The following VDAC1 variants were observed in gnomAD, a reference collection of about 807,000 sequenced individuals.
VDAC1 encodes the protein voltage dependent anion channel 1, also known as non-selective voltage-gated ion channel VDAC1.
VDAC1 carries 10 observed loss-of-function variants against 34.7 expected under a neutral mutation model. The ratio of observed to expected loss-of-function variants is 0.29; its 90% CI spans 0.18 to 0.49. The LOEUF (loss-of-function observed/expected upper bound fraction) is 0.49, where lower values mean the gene tolerates loss of function less well. Ranked by LOEUF, VDAC1 falls within the 20% of genes least tolerant of loss-of-function variation. The pLI, the probability that VDAC1 is intolerant of heterozygous loss-of-function variation, is 0.99. For synonymous variants in VDAC1, 130 were observed against 136.0 expected (o/e 0.96, Z 0.30); for missense variants, 230 against 347.9 (o/e 0.66, Z 2.69).
At chr5:133,992,505 G>A (rs116332614) in intron 2 of VDAC1, 150 bp from the exon 3 acceptor site, 17 of 511,324 alleles carry the variant, frequency 3.3e-5, no homozygotes, top group South Asian at 5.8e-5. Flanking sequence ...TGCTGCTCGT[G>A]GGGGGAGCTC....
chr5:134,055,586 A>ATTTTTTTTTTTTTTTTT, the VDAC1 span, among the ~76,000 whole-genome samples: 1 of 60,082 alleles, frequency 1.7e-5, no homozygotes, highest in South Asian at 7.4e-4. Context: ...CGCCCCGCTA[A>ATTTTTTTTTTTTTTTTT]TGTTTTTTTT....
At chr5:134,047,873 A>G in the VDAC1 span, among the ~76,000 whole-genome samples, 45 of 151,972 alleles carry the variant, frequency 3.0e-4, no homozygotes, top group African/African-American at 1.0e-3. Flanking sequence ...CGACATCCAC[A>G]TGAACATGAC....
At chr5:134,069,903 C>T in the VDAC1 span, among the ~76,000 whole-genome samples, 1 of 152,126 alleles carries the variant, frequency 6.6e-6, no homozygotes, top group African/African-American at 2.4e-5. Context: ...CAAAACCCAC[C>T]ACAACCAAGA....
chr5:134,075,850 G>A, the VDAC1 span, among the ~76,000 whole-genome samples: 1 of 152,136 alleles, frequency 6.6e-6, no homozygotes, highest in Non-Finnish European at 1.5e-5. Flanking sequence ...CTCCCAAAGT[G>A]CTGGGATTAC....
the VDAC1 span, among the ~76,000 whole-genome samples, chr5:134,055,728 G>T: frequency 1.5e-5 from 2 of 132,460 alleles, no homozygotes; most frequent in Non-Finnish European, 3.1e-5. Flanking sequence ...GCGCCCGGCT[G>T]CTTATTTTGT....
At chr5:134,022,588 G>T in the VDAC1 span, among the ~76,000 whole-genome samples, 2 of 152,100 alleles carry the variant, frequency 1.3e-5, no homozygotes, top group Non-Finnish European at 2.9e-5. Context: ...CTACCTCCCC[G>T]CAATGGAAAA....
At chr5:134,091,199 C>T in the VDAC1 span, among the ~76,000 whole-genome samples, 1 of 152,178 alleles carries the variant, frequency 6.6e-6, no homozygotes, top group South Asian at 2.1e-4. Flanking sequence ...ACAGCACAGA[C>T]AATAAGTATT....
At chr5:134,071,085 C>A in the VDAC1 span, among the ~76,000 whole-genome samples, 2 of 152,220 alleles carry the variant, frequency 1.3e-5, no homozygotes, top group African/African-American at 4.8e-5. The surrounding 1 kb of genome is among the most constrained non-coding windows in gnomAD (Gnocchi z 4.1). Flanking sequence ...ACCAATCTTT[C>A]AGGCAGTGTT....
chr5:134,084,511 T>TG, the VDAC1 span, among the ~76,000 whole-genome samples: 1 of 152,298 alleles, frequency 6.6e-6, no homozygotes, highest in African/African-American at 2.4e-5. Context: ...GTGGCATGGT[T>TG]GGGGGGTCCC....
chr5:134,078,846 T>A, the VDAC1 span, among the ~76,000 whole-genome samples: 1 of 151,994 alleles, frequency 6.6e-6, no homozygotes, highest in African/African-American at 2.4e-5. Flanking sequence ...AGATGGGGTT[T>A]CACCATGTTG....
At chr5:134,088,900 TCA>T in the VDAC1 span, among the ~76,000 whole-genome samples, 7 of 152,228 alleles carry the variant, frequency 4.6e-5, no homozygotes, top group African/African-American at 1.7e-4. Context: ...ATGGACTCAA[TCA>T]CACACATCCA....
intron 6 of VDAC1, among the ~76,000 whole-genome samples, chr5:133,976,743 C>T (rs781649207): frequency 1.3e-5 from 2 of 151,954 alleles, no homozygotes; most frequent in Non-Finnish European, 2.9e-5. Flanking sequence ...AACGATTCTA[C>T]CAGAAAAATG....
At chr5:134,055,528 T>C in the VDAC1 span, among the ~76,000 whole-genome samples, 1 of 149,922 alleles carries the variant, frequency 6.7e-6, no homozygotes, top group African/African-American at 2.5e-5. Flanking sequence ...CTTGTCATTC[T>C]CCTGCCTCAG....
the VDAC1 span, among the ~76,000 whole-genome samples, chr5:134,027,175 GA>G: frequency 6.6e-6 from 1 of 152,200 alleles, no homozygotes. Context: ...ATGAGGTTGA[GA>G]AACACTGATT....
the VDAC1 span, among the ~76,000 whole-genome samples, chr5:134,010,863 A>G: frequency 2.0e-5 from 3 of 152,136 alleles, no homozygotes; most frequent in Non-Finnish European, 2.9e-5. Context: ...TAATATATAT[A>G]TGTTGATGAG....
chr5:134,046,405 G>C, the VDAC1 span, among the ~76,000 whole-genome samples: 2 of 150,502 alleles, frequency 1.3e-5, no homozygotes, highest in African/African-American at 4.9e-5. Context: ...TCCTGGGCTC[G>C]AGTGATCTGC....
chr5:134,097,428 A>G, the VDAC1 span, among the ~76,000 whole-genome samples: 1 of 152,210 alleles, frequency 6.6e-6, no homozygotes, highest in African/African-American at 2.4e-5. Flanking sequence ...AGGGAAAAAA[A>G]GGTTTTTAAA....
the VDAC1 span, among the ~76,000 whole-genome samples, chr5:134,017,540 C>T: frequency 4.6e-5 from 7 of 152,170 alleles, no homozygotes; most frequent in Admixed American, 3.9e-4. Flanking sequence ...CTGCTTTGTC[C>T]ATGCTTGTGT....
chr5:133,991,649 C>G (rs1385056740), intron 3 of VDAC1, among the ~76,000 whole-genome samples: 1 of 152,160 alleles, frequency 6.6e-6, no homozygotes, highest in African/African-American at 2.4e-5. Context: ...CCTCTATTAC[C>G]CGCTGCTGAA....
Sources: allele counts gnomAD v4.1 joint callset (sites outside exome capture counted in the v4.1 genomes callset), GRCh38; gene constraint gnomAD v4.1.1; non-coding constraint Gnocchi (gnomAD v3.1); transcripts MANE v1.5; gene names NCBI Gene and HGNC (gene_info 2026-07-23, HGNC 2026-07-21).